The following AGPAT4 variants were observed in gnomAD, a reference collection of about 807,000 sequenced individuals.
The protein encoded by AGPAT4 is 1-acyl-sn-glycerol-3-phosphate acyltransferase delta.
AGPAT4 carries 15 observed loss-of-function variants against 48.0 expected under a neutral mutation model. That is an observed-to-expected ratio of 0.31 (90% CI 0.21 to 0.48). The LOEUF (loss-of-function observed/expected upper bound fraction) is 0.48, where lower values mean the gene tolerates loss of function less well. Among genes scored for constraint, AGPAT4 ranks in the 20% least tolerant of loss-of-function variants. The probability of loss-of-function intolerance (pLI) is 0.99; values close to 1 mark genes in which losing one functional copy is unlikely to be tolerated. For missense variants in AGPAT4, 314 were observed against 482.5 expected (o/e 0.65, Z 3.27); for synonymous variants, 178 against 198.7 (o/e 0.90, Z 0.88).
At position 161,146,613 on chromosome 6, in the gene AGPAT4, G is replaced by A. The variant is rs1453708792; in HGVS notation, c.768-14C>T. 4.3e-6 allele frequency: 7 copies of A among 1,613,846 alleles called. No homozygotes were observed. Among genetic ancestry groups the A allele is most frequent in the Non-Finnish European group, 5.9e-6 (7 of 1,179,846 alleles). ...AGTGGGATCCTCCTGCAAAGGCAGA[G>A]AGCAGCTAGCAGAGAGGAGGTGATG... On this transcript the variant is annotated splice_polypyrimidine_tract_variant and intron_variant, in intron 6 of 8. Coordinates refer to ENST00000320285, the MANE Select transcript of AGPAT4 (RefSeq NM_020133.3). The surrounding 1 kb of genome is among the most constrained non-coding windows in gnomAD (Gnocchi z 7.1).
chr6:161,192,533 C>T (rs1005100580), intron 2 of AGPAT4, among the ~76,000 whole-genome samples: 32 of 152,110 alleles, frequency 2.1e-4, no homozygotes, highest in African/African-American at 7.2e-4. Flanking sequence ...CTAATATTGT[C>T]CTTCTAATTT....
intron 2 of AGPAT4, among the ~76,000 whole-genome samples, chr6:161,209,450 G>A (rs1781466761): frequency 6.6e-6 from 1 of 152,192 alleles, no homozygotes. Context: ...AACAAAGCCA[G>A]AAAGAGAAGG....
chr6:161,249,428 C>T lies in AGPAT4; in HGVS notation c.-89-17126G>A, dbSNP rs919656846. On this transcript the variant is annotated intron_variant, in intron 1 of 8. Coordinates refer to ENST00000320285, the MANE Select transcript of AGPAT4 (RefSeq NM_020133.3). This position sits in a 1 kb window ranked among gnomAD's most constrained non-coding sequence, Gnocchi z 6.2. Reference sequence around the variant, plus strand: ...TGCAAACTATGCATCTGACAAAGGCCTAAAATCCAGCATCCATAAGGAACT... The same window carrying T: ...TGCAAACTATGCATCTGACAAAGGCTTAAAATCCAGCATCCATAAGGAACT... Among the ~76,000 whole-genome samples, 1 of 152,086 alleles carries T rather than the reference C, an allele frequency of 6.6e-6. No individual in the cohort carries two copies. The highest frequency in any genetic ancestry group is 1.5e-5 in the Non-Finnish European group (1 of 68,034).
At position 161,200,841 on chromosome 6, in the gene AGPAT4, T is replaced by C. The variant is rs1211027226; in HGVS notation, c.178+31195A>G. 6.6e-6 allele frequency among the ~76,000 whole-genome samples: 1 copy of C among 152,214 alleles called. No individual in the cohort carries two copies. Among genetic ancestry groups the C allele is most frequent in the Non-Finnish European group, 1.5e-5 (1 of 68,042 alleles). On this transcript the variant is annotated intron_variant, in intron 2 of 8. Coordinates refer to ENST00000320285, the MANE Select transcript of AGPAT4 (RefSeq NM_020133.3). This position sits in a 1 kb window ranked among gnomAD's most constrained non-coding sequence, Gnocchi z 5.5. ...CTATTTGGCCACAATTTCTGATCCATCCAAACTCATAAACACAGATACCCT... is the reference window on the plus strand; with the variant it reads ...CTATTTGGCCACAATTTCTGATCCACCCAAACTCATAAACACAGATACCCT...
chr6:161,247,084 G>A (rs1782672146), intron 1 of AGPAT4, among the ~76,000 whole-genome samples: 1 of 152,188 alleles, frequency 6.6e-6, no homozygotes, highest in South Asian at 2.1e-4. Context: ...AACTGCATGA[G>A]GCTATATGTT....
rs1281711382 is a variant in AGPAT4, at chr6:161,233,709, A to G, written c.-89-1407T>C. ...GTAGGCTAACGTAAATGTGCTGAAC[A>G]TGTTTAAGGCAGGCGAGGCTAAACG... On this transcript the variant is annotated intron_variant, in intron 1 of 8. Transcript: ENST00000320285. The surrounding 1 kb of genome is among the most constrained non-coding windows in gnomAD (Gnocchi z 5.4). 6.6e-6 allele frequency among the ~76,000 whole-genome samples: 1 copy of G among 152,232 alleles called. No homozygotes were observed. Among genetic ancestry groups the G allele is most frequent in the African/African-American group, 2.4e-5 (1 of 41,466 alleles).
intron 1 of AGPAT4, among the ~76,000 whole-genome samples, chr6:161,253,749 T>C (rs963501120): frequency 2.0e-4 from 31 of 152,370 alleles, no homozygotes; most frequent in African/African-American, 7.2e-4. Context: ...CAATTTATAA[T>C]GTCTGAATCC....
At chr6:161,174,193 G>T (rs542347145) in intron 2 of AGPAT4, among the ~76,000 whole-genome samples, 1 of 152,286 alleles carries the variant, frequency 6.6e-6, no homozygotes, top group Non-Finnish European at 1.5e-5. Context: ...AAAGTCATTG[G>T]TAGCTTGATA....
At chr6:161,194,711 G>A (rs1167251678) in intron 2 of AGPAT4, among the ~76,000 whole-genome samples, 1 of 152,112 alleles carries the variant, frequency 6.6e-6, no homozygotes, top group East Asian at 1.9e-4. Context: ...GTGTGCGTAT[G>A]TATGTGTATG....
chr6:161,252,514 T>G (rs1562358184), intron 1 of AGPAT4, among the ~76,000 whole-genome samples: 1 of 152,208 alleles, frequency 6.6e-6, no homozygotes, highest in Non-Finnish European at 1.5e-5. Flanking sequence ...CAATTTTGCT[T>G]CTTCTAGAAT....
intron 2 of AGPAT4, among the ~76,000 whole-genome samples, chr6:161,187,745 TGTTGGCCA>T (rs1780812840): frequency 6.6e-6 from 1 of 152,138 alleles, no homozygotes; most frequent in Non-Finnish European, 1.5e-5. Context: ...GGTTTCACCA[TGTTGGCCA>T]GCCTGGTCTC....
intron 2 of AGPAT4, among the ~76,000 whole-genome samples, chr6:161,191,688 G>A (rs1370928850): frequency 6.6e-6 from 1 of 152,188 alleles, no homozygotes; most frequent in Non-Finnish European, 1.5e-5. Flanking sequence ...GACTTTTGTG[G>A]ACTGACATTT....
chr6:161,248,088 T>C (rs1229558209), intron 1 of AGPAT4, among the ~76,000 whole-genome samples: 2 of 151,834 alleles, frequency 1.3e-5, no homozygotes, highest in African/African-American at 2.4e-5. Flanking sequence ...TATCCCTGTT[T>C]GTAGATGACA....
At position 161,137,622 on chromosome 6, in the gene AGPAT4, G is replaced by A. The variant is rs746417547; in HGVS notation, c.1043-988C>T. On this transcript the variant is annotated intron_variant, in intron 8 of 8. Coordinates refer to ENST00000320285, the MANE Select transcript of AGPAT4 (RefSeq NM_020133.3). This position sits in a 1 kb window ranked among gnomAD's most constrained non-coding sequence, Gnocchi z 6.1. ...GAAAGAAGTGAGTAAAACGTGGACC[G>A]TGTGGCCTTGGAAGAGGAGTAAAGA... Among the ~76,000 whole-genome samples, 14 of 150,106 alleles carry A rather than the reference G, an allele frequency of 9.3e-5. No homozygotes were observed. The highest frequency in any genetic ancestry group is 3.9e-4 in the East Asian group (2 of 5,176).
rs988560162 is a variant in AGPAT4, at chr6:161,131,591, G to C, written c.*4949C>G. The C allele has an allele frequency of 6.6e-6, 1 of 152,260 alleles. No individual in the cohort carries two copies. Among genetic ancestry groups the C allele is most frequent in the Non-Finnish European group, 1.5e-5 (1 of 68,106 alleles). 9.4% of individuals were successfully genotyped at this position (152,260 alleles called of 1,614,324 possible). The stretch of plus-strand genomic sequence containing the variant: ...CATGAGGGTGAGGCCCTGCTGGGGG[G>C]GCAGGGCAGGGCTGTGAGCTCAGGA... On this transcript the variant is annotated 3_prime_UTR_variant, in exon 9 of 9. Coordinates refer to ENST00000320285, the MANE Select transcript of AGPAT4 (RefSeq NM_020133.3).
chr6:161,209,918 C>G (rs1011995192), intron 2 of AGPAT4, among the ~76,000 whole-genome samples: 3 of 152,030 alleles, frequency 2.0e-5, no homozygotes, highest in Non-Finnish European at 2.9e-5. Flanking sequence ...GCCAAGACCC[C>G]TTTGTTTCGT....
At position 161,218,464 on chromosome 6, in the gene AGPAT4, C is replaced by T. The variant is rs16892320; in HGVS notation, c.178+13572G>A. On this transcript the variant is annotated intron_variant, in intron 2 of 8. Coordinates refer to ENST00000320285, the MANE Select transcript of AGPAT4 (RefSeq NM_020133.3). This position sits in a 1 kb window ranked among gnomAD's most constrained non-coding sequence, Gnocchi z 4.7. ...TCACAGCAAGAATACCTTTACTTTA[C>T]GTTTGTCTAGCACCTTACAATTTAT... 0.025 allele frequency among the ~76,000 whole-genome samples: 3,780 copies of T among 152,274 alleles called. 176 individuals carry two copies. Among genetic ancestry groups the T allele is most frequent in the African/African-American group, 0.087 (3,622 of 41,544 alleles).
chr6:161,179,352 C>T (rs1216863495), intron 2 of AGPAT4, among the ~76,000 whole-genome samples: 1 of 152,128 alleles, frequency 6.6e-6, no homozygotes, highest in African/African-American at 2.4e-5. Flanking sequence ...AACATGATTG[C>T]AGTGCGGGGG....
chr6:161,174,059 C>T (rs1019777389), intron 2 of AGPAT4, among the ~76,000 whole-genome samples: 5 of 152,068 alleles, frequency 3.3e-5, no homozygotes, highest in Admixed American at 6.6e-5. Flanking sequence ...CCTTGTAGTA[C>T]AGTTTGAAGT....
Sources: gnomAD v4.1 joint callset for allele counts (sites outside exome capture counted in the v4.1 genomes callset) on GRCh38, gnomAD v4.1.1 for gene constraint, Gnocchi (gnomAD v3.1) non-coding constraint, MANE v1.5 for transcripts, NCBI Gene and HGNC (gene_info 2026-07-23, HGNC 2026-07-21) for gene names.